NAV3: variants seen among roughly 807,000 people sequenced by gnomAD.
The protein encoded by NAV3 is neuron navigator 3.
A neutral mutation model predicts 244.7 loss-of-function variants in NAV3; 87 were observed. The observed-to-expected ratio is 0.36, with a 90% CI of 0.30 to 0.42. NAV3 has a LOEUF of 0.42. Among genes scored for constraint, NAV3 ranks in the 20% least tolerant of loss-of-function variants. The pLI, the probability that NAV3 is intolerant of heterozygous loss-of-function variation, is 1.00. For synonymous variants in NAV3, 1,126 were observed against 1,042.2 expected (o/e 1.08, Z -1.55); for missense variants, 2,663 against 2,893.3 (o/e 0.92, Z 1.83).
rs111897502 is a variant in NAV3, at chr12:77,979,331, G to T, written c.671+10629G>T. ...GGCTTGAAACTAAGACGTCAAGGCTGCAGTGAGCCATAATTGCACCACTAC... is the reference window on the plus strand; with the variant it reads ...GGCTTGAAACTAAGACGTCAAGGCTTCAGTGAGCCATAATTGCACCACTAC... On this transcript the variant is annotated intron_variant, in intron 5 of 39. Transcript: ENST00000397909. 6.3e-3 allele frequency among the ~76,000 whole-genome samples: 952 copies of T among 151,832 alleles called. 12 individuals are homozygous for T. Among genetic ancestry groups the T allele is most frequent in the African/African-American group, 0.022 (893 of 41,400 alleles).
At chr12:78,173,991 A>G (rs998797062) in intron 24 of NAV3, among the ~76,000 whole-genome samples, 1 of 151,714 alleles carries the variant, frequency 6.6e-6, no homozygotes, top group East Asian at 1.9e-4. Flanking sequence ...CTATTCAGTA[A>G]ATCAGTCAAT....
In NAV3 at chr12:78,071,712, G is replaced by A. The variant is rs549700113; in HGVS notation, c.2636+12597G>A. On this transcript the variant is annotated intron_variant, in intron 12 of 39. Transcript: ENST00000397909. ...CATATGGCTAGCCAGTTTTCCCAGCGCCATTTATTAAATAAGGAATCCTTT... is the reference window on the plus strand; with the variant it reads ...CATATGGCTAGCCAGTTTTCCCAGCACCATTTATTAAATAAGGAATCCTTT... 1.1e-3 allele frequency among the ~76,000 whole-genome samples: 171 copies of A among 151,988 alleles called. 2 individuals carry two copies. The South Asian group carries it at 0.017, about 15-fold the overall frequency.
rs146264063 is a variant in NAV3 at position 78,059,611 on chromosome 12, G to A, written c.2636+496G>A. On this transcript the variant is annotated intron_variant, in intron 12 of 39. Coordinates refer to ENST00000397909, the MANE Select transcript of NAV3 (RefSeq NM_001024383.2). ...CTATTTGGGGATATTTTTAAAACTA[G>A]GATGATTTTCTTTACAAGGCCATTT... 5.0e-3 allele frequency among the ~76,000 whole-genome samples: 758 copies of A among 152,150 alleles called. 6 individuals are homozygous for A. Among genetic ancestry groups the A allele is most frequent in the African/African-American group, 0.017 (699 of 41,508 alleles).
chr12:77,986,150 T>G (rs1434847652), intron 5 of NAV3, among the ~76,000 whole-genome samples: 1 of 152,140 alleles, frequency 6.6e-6, no homozygotes, highest in African/African-American at 2.4e-5. Flanking sequence ...TCACTTGAGG[T>G]CAGGAGTTTG....
intron 37 of NAV3, 122 bp downstream of exon 37, chr12:78,199,653 A>AT (rs145734154): frequency 0.092 from 60,025 of 655,438 alleles, 3,533 homozygotes; most frequent in Non-Finnish European, 0.11. Context: ...CCAAAGATTT[A>AT]TTTTTTTCCC....
At chr12:77,894,483 C>A (rs970496015) in intron 1 of NAV3, among the ~76,000 whole-genome samples, 1 of 151,854 alleles carries the variant, frequency 6.6e-6, no homozygotes, top group Non-Finnish European at 1.5e-5. Flanking sequence ...TAAAAAACAA[C>A]AATAAGCTAC....
chr12:77,618,461 G>T (rs1871228863), intron 2 of NAV3, among the ~76,000 whole-genome samples: 1 of 151,946 alleles, frequency 6.6e-6, no homozygotes. Context: ...TTTGTTCATG[G>T]ACATGCAATA....
rs531998995 is a variant in NAV3, at chr12:78,140,358, AG to A, written c.4683+25del. The A allele has an allele frequency of 2.5e-4, 400 of 1,599,420 alleles. 4 individuals carry two copies. In the South Asian group the frequency reaches 2.7e-3, roughly 11 times the overall value. ...CAGTAAGTAATGGCTGTTAAGAAAA[AG>A]CTTGTGCTTTTGCCATGCACACAGA... On this transcript the variant is annotated intron_variant, in intron 20 of 39. Coordinates refer to ENST00000397909, the MANE Select transcript of NAV3 (RefSeq NM_001024383.2).
chr12:77,714,474 A>G lies in NAV3; in HGVS notation c.72+142208A>G, dbSNP rs114229664. Among the ~76,000 whole-genome samples the G allele has an allele frequency of 7.8e-3, 1,190 of 152,208 alleles. 9 individuals are homozygous for G. The highest frequency in any genetic ancestry group is 0.027 in the African/African-American group (1,130 of 41,542). On this transcript the variant is annotated intron_variant, in intron 2 of 8. Transcript: ENST00000550042. The stretch of plus-strand genomic sequence containing the variant: ...AACTTTGTGTCCTACAGCCCATCAA[A>G]TCTTTTTAGAATTGAAGGTACAGCC...
chr12:78,173,828 A>G (rs1196020207), intron 24 of NAV3, among the ~76,000 whole-genome samples: 1 of 151,566 alleles, frequency 6.6e-6, no homozygotes, highest in African/African-American at 2.4e-5. Context: ...ACTTATTGAT[A>G]TATATGTATA....
intron 2 of NAV3, 101 bp downstream of exon 2, chr12:77,940,537 C>A: frequency 1.2e-6 from 1 of 807,590 alleles, no homozygotes; most frequent in Non-Finnish European, 2.0e-6. Context: ...GTCCATGTGT[C>A]TCTGAGATTC....
chr12:77,772,730 C>G (rs1870156297), intron 2 of NAV3, among the ~76,000 whole-genome samples: 1 of 152,046 alleles, frequency 6.6e-6, no homozygotes, highest in Non-Finnish European at 1.5e-5. Flanking sequence ...AAAGAAATTC[C>G]TTGATGGCTC....
chr12:77,703,997 C>T (rs149476885), intron 2 of NAV3, among the ~76,000 whole-genome samples: 132 of 152,248 alleles, frequency 8.7e-4, no homozygotes, highest in East Asian at 9.6e-4. Context: ...TCACTTGTAA[C>T]GCTAGCGCAA....
intron 2 of NAV3, among the ~76,000 whole-genome samples, chr12:77,766,740 T>TG (rs1869784735): frequency 1.3e-4 from 3 of 23,054 alleles, no homozygotes; most frequent in African/African-American, 5.6e-4. Flanking sequence ...ATTAAGTTTT[T>TG]TTTTTTTTTT....
At chr12:77,824,834 C>A (rs1057309997) in intron 2 of NAV3, among the ~76,000 whole-genome samples, 21 of 151,806 alleles carry the variant, frequency 1.4e-4, no homozygotes, top group African/African-American at 4.6e-4. Context: ...CAGGGATTCC[C>A]GTGAGCCAAG....
intron 2 of NAV3, among the ~76,000 whole-genome samples, chr12:77,674,750 T>G (rs955272537): frequency 4.6e-5 from 7 of 152,192 alleles, no homozygotes. Context: ...TATCCATGCA[T>G]TCATTCAATT....
chr12:77,667,251 G>A (rs1873756122), intron 2 of NAV3, among the ~76,000 whole-genome samples: 1 of 152,130 alleles, frequency 6.6e-6, no homozygotes, highest in Non-Finnish European at 1.5e-5. Context: ...GGAAAGGCGA[G>A]AGAATCCACA....
At chr12:77,572,711 A>C (rs1868884880) in intron 2 of NAV3, among the ~76,000 whole-genome samples, 1 of 152,226 alleles carries the variant, frequency 6.6e-6, no homozygotes, top group Non-Finnish European at 1.5e-5. Context: ...ACATCAACTT[A>C]GGCCTTCTGA....
At chr12:77,845,798 C>A (rs2136206641) in intron 1 of NAV3, among the ~76,000 whole-genome samples, 1 of 152,032 alleles carries the variant, frequency 6.6e-6, no homozygotes, top group South Asian at 2.1e-4. Flanking sequence ...GGATTACAGG[C>A]ACATGCCACC....
Sources: gnomAD v4.1 joint callset for allele counts (sites outside exome capture counted in the v4.1 genomes callset) on GRCh38, gnomAD v4.1.1 for gene constraint, MANE v1.5 for transcripts, NCBI Gene and HGNC (gene_info 2026-07-23, HGNC 2026-07-21) for gene names.